Variants in KNTC1 observed in about 807,000 individuals in gnomAD.
KNTC1 encodes kinetochore associated 1, also known as kinetochore-associated protein 1.
In KNTC1, 253 loss-of-function variants were observed where a neutral mutation model predicts 314.4. That is an observed-to-expected ratio of 0.80 (90% CI 0.73 to 0.89). The LOEUF (loss-of-function observed/expected upper bound fraction) is 0.89, where lower values mean the gene tolerates loss of function less well. Among genes scored for constraint, KNTC1 ranks in the 40% least tolerant of loss-of-function variants. KNTC1 has a pLI of 0.00. For synonymous variants in KNTC1, 901 were observed against 901.4 expected (o/e 1.00, Z 0.01); for missense variants, 2,475 against 2,572.9 (o/e 0.96, Z 0.82).
chr12:122,573,374 T>C, intron 26 of KNTC1, 89 bp downstream of exon 26: 3 of 1,206,384 alleles, frequency 2.5e-6, no homozygotes, highest in Non-Finnish European at 3.5e-6. Flanking sequence ...GAATGTCATA[T>C]GCTTTCTCAG....
chr12:122,605,785 C>T (rs1229928130), intron 51 of KNTC1, among the ~76,000 whole-genome samples: 2 of 152,010 alleles, frequency 1.3e-5, no homozygotes, highest in Non-Finnish European at 2.9e-5. Flanking sequence ...ACCTTGTGAT[C>T]CTCCTGCCTC....
intron 10 of KNTC1, among the ~76,000 whole-genome samples, chr12:122,547,030 CA>C (rs1190428304): frequency 6.6e-6 from 1 of 151,404 alleles, no homozygotes; most frequent in East Asian, 2.0e-4. Flanking sequence ...GACGGGGTTT[CA>C]CCATGTTGGC....
chr12:122,570,410 G>A (rs368499829), intron 22 of KNTC1, among the ~76,000 whole-genome samples: 6 of 151,640 alleles, frequency 4.0e-5, no homozygotes, highest in Admixed American at 2.6e-4. Flanking sequence ...ACAGCCACTC[G>A]GGAGTCTGAG....
intron 51 of KNTC1, among the ~76,000 whole-genome samples, chr12:122,606,375 G>A (rs968917324): frequency 6.6e-5 from 10 of 151,728 alleles, no homozygotes; most frequent in African/African-American, 2.4e-4. Flanking sequence ...GCGCCACTAT[G>A]GCCAGCTAAT....
intron 12 of KNTC1, 116 bp from the exon 13 acceptor site, chr12:122,549,650 G>A (rs914648192): frequency 3.1e-6 from 2 of 637,612 alleles, no homozygotes; most frequent in African/African-American, 3.7e-5. Flanking sequence ...ATAGGCATGA[G>A]CCACCACGCC....
rs777064738 is a variant in KNTC1, at chr12:122,587,817, T to A, written c.3837T>A (p.Phe1279Leu). ...ELALRFVVGS[F>L]GTCLQHSVSN... is the part of the protein sequence containing the mutation. ...CCCTAAGATTTGTGGTTGGTTCATTTGGTACCTGTCTTCAGCACTCTGTGT... is the reference window on the plus strand; with the variant it reads ...CCCTAAGATTTGTGGTTGGTTCATTAGGTACCTGTCTTCAGCACTCTGTGT... The change falls in exon 39 of 64, where the codon TTT becomes TTA. Residue 1279 changes from phenylalanine (F) to leucine (L), a missense_variant. Physicochemically the swap from Phe to Leu is conservative, Grantham distance 22. Transcript: ENST00000333479. 11 of 1,613,916 alleles carry A rather than the reference T, an allele frequency of 6.8e-6. No homozygotes were observed. The highest frequency in any genetic ancestry group is 8.5e-6 in the Non-Finnish European group (10 of 1,179,860).
At chr12:122,537,234 T>C (rs1565930111) in intron 3 of KNTC1, among the ~76,000 whole-genome samples, 1 of 152,172 alleles carries the variant, frequency 6.6e-6, no homozygotes, top group Admixed American at 6.5e-5. Flanking sequence ...CTCGGAATGC[T>C]CTTCATCTTA....
At position 122,551,340 on chromosome 12, in the gene KNTC1, G is replaced by C. The variant is rs1963184211; in HGVS notation, c.1108G>C (p.Gly370Arg). ...GTAGGATACCATATACCTTTTAGAA[G>C]GAGTTTGCAAAAATGATCCAAAGTA... ...ISTDTIYLLE[G>R]VCKNDPKLSE... Residue 370 changes from glycine to arginine, a missense_variant, in exon 14 of 64, where the codon GGA becomes CGA. Transcript: ENST00000333479. 2 of 1,589,784 alleles carry C rather than the reference G, an allele frequency of 1.3e-6. No homozygotes were observed. The highest frequency in any genetic ancestry group is 1.7e-4 in the Middle Eastern group (1 of 5,850).
chr12:122,615,618 T>C, intron 57 of KNTC1, 92 bp downstream of exon 57: 1 of 1,218,500 alleles, frequency 8.2e-7, no homozygotes, highest in Non-Finnish European at 1.1e-6. Context: ...AGCAGTCAGC[T>C]CCTTCTTAAA....
At chr12:122,564,382 G>A (rs142553235) in intron 20 of KNTC1, among the ~76,000 whole-genome samples, 572 of 152,200 alleles carry the variant, frequency 3.8e-3, no homozygotes, top group Middle Eastern at 0.01. Flanking sequence ...TTAATTCTTA[G>A]TCATTGCTAT....
At chr12:122,536,911 A>C (rs574669800) in intron 3 of KNTC1, among the ~76,000 whole-genome samples, 14 of 152,344 alleles carry the variant, frequency 9.2e-5, no homozygotes, top group Middle Eastern at 6.8e-3. Context: ...GCATTTTGGA[A>C]CATATCTTGA....
intron 51 of KNTC1, among the ~76,000 whole-genome samples, chr12:122,607,311 AC>A (rs1188656714): frequency 6.6e-6 from 1 of 151,850 alleles, no homozygotes; most frequent in African/African-American, 2.4e-5. Context: ...TGTTCCTTCC[AC>A]CTTGGCCTCC....
chr12:122,601,637 A>G lies in KNTC1; in HGVS notation c.4653+12A>G, dbSNP rs756234943. ...TTAATATTAATCAGGTATAACAAAT[A>G]TATCAAAGATGTAAAAATCATCTTT... On this transcript the variant is annotated intron_variant, in intron 45 of 63. Coordinates refer to ENST00000333479, the MANE Select transcript of KNTC1 (RefSeq NM_014708.6). 1 of 1,471,210 alleles carries G rather than the reference A, an allele frequency of 6.8e-7. No individual in the cohort carries two copies. 91.1% of individuals were successfully genotyped at this position (1,471,210 alleles called of 1,614,324 possible). A position where few individuals can be genotyped will look rare whatever the true frequency, so the allele number is the denominator to read the frequency against.
At chr12:122,541,287 GCCTTCCTTCCTTCCTT>G (rs1555222321) in intron 5 of KNTC1, among the ~76,000 whole-genome samples, 2 of 120,966 alleles carry the variant, frequency 1.7e-5, no homozygotes, top group Non-Finnish European at 3.3e-5. Flanking sequence ...CTGCCTGCCT[GCCTTCCTTCCTTCCTT>G]CCTTCCTTCC....
intron 36 of KNTC1, among the ~76,000 whole-genome samples, chr12:122,585,404 C>T (rs953997413): frequency 6.6e-6 from 1 of 152,146 alleles, no homozygotes; most frequent in East Asian, 1.9e-4. Flanking sequence ...TTTTCTTACC[C>T]TAGACCGGAA....
chr12:122,555,366 A>T (rs1963510531), intron 16 of KNTC1, among the ~76,000 whole-genome samples: 1 of 152,202 alleles, frequency 6.6e-6, no homozygotes, highest in African/African-American at 2.4e-5. Context: ...AGCCTGGCCC[A>T]CATAGCAAAA....
At position 122,549,676 on chromosome 12, in the gene KNTC1, G is replaced by T. The variant is rs554153784; in HGVS notation, c.988-90G>T. On this transcript the variant is annotated intron_variant, in intron 12 of 63. Coordinates refer to ENST00000333479, the MANE Select transcript of KNTC1 (RefSeq NM_014708.6). ...CCACCACGCCCAGCCGCTCCCATGT[G>T]TTTTAATCTGCTCTTAATTGTGAAG... is the stretch of plus-strand genomic sequence containing the variant. 16 of 722,448 alleles carry T rather than the reference G, an allele frequency of 2.2e-5. No individual in the cohort carries two copies. In the South Asian group the frequency reaches 2.4e-4, roughly 11 times the overall value. 44.8% of individuals were successfully genotyped at this position (722,448 alleles called of 1,614,324 possible).
At chr12:122,579,037 T>C (rs1331011204) in intron 31 of KNTC1, among the ~76,000 whole-genome samples, 3 of 4,768 alleles carry the variant, frequency 6.3e-4, no homozygotes, top group African/African-American at 4.9e-3. Flanking sequence ...TTTTTTTTTT[T>C]TTTTTTTTTT....
chr12:122,553,368 A>G (rs1024925747), intron 16 of KNTC1, among the ~76,000 whole-genome samples: 1 of 151,920 alleles, frequency 6.6e-6, no homozygotes, highest in Non-Finnish European at 1.5e-5. Context: ...TGAAAATTGG[A>G]TGTGAGCTGA....
Sources: allele counts gnomAD v4.1 joint callset (sites outside exome capture counted in the v4.1 genomes callset), GRCh38; gene constraint gnomAD v4.1.1; transcripts MANE v1.5; gene names NCBI Gene and HGNC (gene_info 2026-07-23, HGNC 2026-07-21).